RPS6KA4: variants seen among roughly 807,000 people sequenced by gnomAD.
RPS6KA4 encodes the protein ribosomal protein S6 kinase A4.
A neutral mutation model predicts 89.6 loss-of-function variants in RPS6KA4; 38 were observed. The ratio of observed to expected loss-of-function variants is 0.42; its 90% CI spans 0.33 to 0.56. The LOEUF is 0.56. Ranked by LOEUF, RPS6KA4 falls within the 20% of genes least tolerant of loss-of-function variation. The probability of loss-of-function intolerance (pLI) is 0.07; values close to 1 mark genes in which losing one functional copy is unlikely to be tolerated. For synonymous variants in RPS6KA4, 495 were observed against 492.8 expected (o/e 1.00, Z -0.06); for missense variants, 873 against 1,098.8 (o/e 0.79, Z 2.90).
At chr11:64,367,810 C>A (rs925233481) in intron 9 of RPS6KA4, among the ~76,000 whole-genome samples, 3 of 152,166 alleles carry the variant, frequency 2.0e-5, no homozygotes, top group Non-Finnish European at 2.9e-5. Flanking sequence ...ATAAGCTAAG[C>A]GTGAACTCAG....
At chr11:64,369,413 G>A (rs2036989740) in intron 12 of RPS6KA4, 33 bp from the exon 13 acceptor site, 10 of 1,545,780 alleles carry the variant, frequency 6.5e-6, no homozygotes, top group African/African-American at 1.4e-5. Context: ...GCCGTGGGTG[G>A]GTGTTGACCT....
Position 64,369,634 on chromosome 11 carries a change from TCGG to T in RPS6KA4, c.1602+22_1602+24del, listed in dbSNP as rs761159287. On this transcript the variant is annotated intron_variant, in intron 13 of 16. Transcript: ENST00000334205. ...TCAAGCCGGAGGTGGGCGAGCTGCC[TCGG>T]CGGCGGGGCGGAGCGGTGGCGCCGG... 1 of 1,601,652 alleles carries T rather than the reference TCGG, an allele frequency of 6.2e-7. No homozygotes were observed. Among genetic ancestry groups the T allele is most frequent in the Non-Finnish European group, 8.5e-7 (1 of 1,174,020 alleles).
Position 64,368,532 on chromosome 11 carries a change from T to C in RPS6KA4, c.1265T>C (p.Phe422Ser). Residue 422 changes from phenylalanine (F) to serine (S), a missense_variant, in exon 11 of 17, where the codon TTT (phenylalanine) becomes TCT (serine). Coordinates refer to ENST00000334205, the MANE Select transcript of RPS6KA4 (RefSeq NM_003942.3). The part of the protein sequence containing the change: ...LREPALGQGS[F>S]SVCRRCRQRQ... ...GAGCCTGCGCTGGGCCAGGGCAGCT[T>C]TTCTGTGTGTCGCCGCTGCCGCCAG... The C allele has an allele frequency of 6.3e-7, 1 of 1,582,750 alleles. No individual in the cohort carries two copies. The highest frequency in any genetic ancestry group is 8.6e-7 in the Non-Finnish European group (1 of 1,166,606).
At position 64,369,728 on chromosome 11, in the gene RPS6KA4, G is replaced by C; in HGVS notation, c.1632G>C (p.Gly544=). ...ENILYADDTP[G]APVKIIDFGF... The stretch of plus-strand genomic sequence containing the variant: ...TCCTGTACGCCGACGACACGCCCGG[G>C]GCCCCGGTGAAAATCATCGACTTCG... Residue 544 remains glycine, a synonymous_variant, in exon 14 of 17, where the codon GGG becomes GGC. Transcript: ENST00000334205. 6.2e-7 allele frequency: 1 copy of C among 1,611,020 alleles called. No individual in the cohort carries two copies. The highest frequency in any genetic ancestry group is 8.5e-7 in the Non-Finnish European group (1 of 1,178,864).
intron 2 of RPS6KA4, 88 bp from the exon 3 acceptor site, chr11:64,360,075 C>T (rs554478650): frequency 2.4e-6 from 3 of 1,263,772 alleles, no homozygotes; most frequent in African/African-American, 3.0e-5. Flanking sequence ...ATTTGCACAC[C>T]CTCCTGGGTT....
At chr11:64,368,915 C>T (rs1026400091) in intron 12 of RPS6KA4, 118 bp downstream of exon 12, 50 of 960,458 alleles carry the variant, frequency 5.2e-5, no homozygotes, top group Non-Finnish European at 7.3e-5. Flanking sequence ...ATTCGGGGCC[C>T]AAAGGGACCA....
chr11:64,361,783 G>T lies in RPS6KA4; in HGVS notation c.755+38G>T, dbSNP rs1445081439. 6.3e-7 allele frequency: 1 copy of T among 1,586,950 alleles called. No individual in the cohort carries two copies. The highest frequency in any genetic ancestry group is 8.6e-7 in the Non-Finnish European group (1 of 1,168,980). ...GGACGTGGAGGGCGGCCAGAGGGCT[G>T]CAGGGCCTGCCTGGGCAGGGCTGTG... is the stretch of plus-strand genomic sequence containing the variant. On this transcript the variant is annotated intron_variant, in intron 7 of 16. Coordinates refer to ENST00000334205, the MANE Select transcript of RPS6KA4 (RefSeq NM_003942.3). The surrounding 1 kb of genome is among the most constrained non-coding windows in gnomAD (Gnocchi z 4.7).
Position 64,360,564 on chromosome 11 carries a change from T to C in RPS6KA4, c.434T>C (p.Ile145Thr). The C allele has an allele frequency of 1.2e-6, 2 of 1,611,064 alleles. No homozygotes were observed. The highest frequency in any genetic ancestry group is 1.7e-6 in the Non-Finnish European group (2 of 1,178,756). Residue 145 changes from isoleucine to threonine, a missense_variant, in exon 4 of 17, where the codon ATC becomes ACC. Physicochemically the swap from Ile to Thr is moderately conservative, Grantham distance 89. This residue lies in a region of RPS6KA4 where 542 missense variants were observed against 736.4 expected (regional missense o/e 0.74). Transcript: ENST00000334205. The part of the protein sequence containing the change: ...EAEVRVYGGE[I>T]VLALEHLHKL... ...GAGGTGCGCGTGTATGGGGGTGAGA[T>C]CGTGCTGGCCCTGGAACACCTGCAC...
chr11:64,365,306 C>T lies in RPS6KA4; in HGVS notation c.912C>T (p.Leu304=), dbSNP rs771264406. Residue 304 remains leucine (L), a synonymous_variant, in exon 9 of 17, where the codon CTC becomes CTT. Transcript: ENST00000334205. ...EVRNHPFFQG[L]DWVALAARKI... is the part of the protein sequence containing the mutation. ...CTCTGATTCCCTTCCCTCAGGGCCT[C>T]GATTGGGTGGCTCTGGCTGCCAGGA... 6 of 1,612,780 alleles carry T rather than the reference C, an allele frequency of 3.7e-6. No individual in the cohort carries two copies. The highest frequency in any genetic ancestry group is 3.3e-5 in the South Asian group (3 of 91,000).
intron 9 of RPS6KA4, among the ~76,000 whole-genome samples, chr11:64,367,354 A>T (rs1345421131): frequency 6.6e-6 from 1 of 152,074 alleles, no homozygotes; most frequent in Non-Finnish European, 1.5e-5. Flanking sequence ...CTTGTTGCCC[A>T]GGCTAGAGTG....
rs1222111006 is a variant in RPS6KA4, at chr11:64,361,812, G to A, written c.756-40G>A. On this transcript the variant is annotated intron_variant, in intron 7 of 16. Coordinates refer to ENST00000334205, the MANE Select transcript of RPS6KA4 (RefSeq NM_003942.3). The surrounding 1 kb of genome is among the most constrained non-coding windows in gnomAD (Gnocchi z 4.7). The stretch of plus-strand genomic sequence containing the variant: ...GGCCTGCCTGGGCAGGGCTGTGGGT[G>A]GGGGGCTTGCTGCCCCTGACACCCC... 2 of 1,585,964 alleles carry A rather than the reference G, an allele frequency of 1.3e-6. No individual in the cohort carries two copies. Among genetic ancestry groups the A allele is most frequent in the Non-Finnish European group, 8.6e-7 (1 of 1,169,010 alleles).
Position 64,371,442 on chromosome 11 carries a change from G to A in RPS6KA4, c.2281G>A (p.Ala761Thr). The A allele has an allele frequency of 1.3e-6, 2 of 1,570,748 alleles. No individual in the cohort carries two copies. The highest frequency in any genetic ancestry group is 8.6e-7 in the Non-Finnish European group (1 of 1,157,580). ...CCGAGCCCCCGTCGCCTCCAAAGGG[G>A]CCCCCCGCCGAGCCAACGGCCCCCT... Reference protein sequence around the residue: ...PGRAPVASKGAPRRANGPLPP... With the variant: ...PGRAPVASKGTPRRANGPLPP... Residue 761 changes from alanine to threonine, a missense_variant, in exon 17 of 17, where the codon GCC (alanine) becomes ACC (threonine). Physicochemically the swap from Ala to Thr is moderately conservative, Grantham distance 58. Around this residue, in one of 4 missense-constraint regions of RPS6KA4, gnomAD observed 278 missense variants for 284.8 expected, o/e 0.98. Coordinates refer to ENST00000334205, the MANE Select transcript of RPS6KA4 (RefSeq NM_003942.3).
Position 64,361,255 on chromosome 11 carries a change from A to G in RPS6KA4, c.570+14A>G. 6.2e-7 allele frequency: 1 copy of G among 1,604,234 alleles called. No homozygotes were observed. Among genetic ancestry groups the G allele is most frequent in the Non-Finnish European group, 8.5e-7 (1 of 1,172,430 alleles). On this transcript the variant is annotated intron_variant, in intron 5 of 16. Coordinates refer to ENST00000334205, the MANE Select transcript of RPS6KA4 (RefSeq NM_003942.3). This position sits in a 1 kb window ranked among gnomAD's most constrained non-coding sequence, Gnocchi z 4.7. ...CTGACGGAGGAGGTGAGTGGAGGCC[A>G]CCTCTGCCTGCAGTGCCCCATTCAA...
chr11:64,370,374 G>A lies in RPS6KA4; in HGVS notation c.1947G>A (p.Glu649=). The change falls in exon 15 of 17, where the codon GAG becomes GAA. Residue 649 remains glutamate, a synonymous_variant. Coordinates refer to ENST00000334205, the MANE Select transcript of RPS6KA4 (RefSeq NM_003942.3). The surrounding 1 kb of genome is among the most constrained non-coding windows in gnomAD (Gnocchi z 4.1). ...AWQGVSEEAK[E]LVRGLLTVDP... Reference sequence around the variant, plus strand: ...AGGGTGTATCCGAGGAAGCCAAGGAGCTGGTCCGAGGTGCGGAGCTGGAGG... The same window carrying A: ...AGGGTGTATCCGAGGAAGCCAAGGAACTGGTCCGAGGTGCGGAGCTGGAGG... 1 of 1,610,164 alleles carries A rather than the reference G, an allele frequency of 6.2e-7. No homozygotes were observed.
At chr11:64,368,393 G>A (rs1265120207) in intron 10 of RPS6KA4, 75 bp from the exon 11 acceptor site, 3 of 1,541,176 alleles carry the variant, frequency 1.9e-6, no homozygotes, top group South Asian at 1.2e-5. Flanking sequence ...GACATGGGGC[G>A]TGGCGGGGCC....
Position 64,361,801 on chromosome 11 carries a change from G to C in RPS6KA4, c.756-51G>C. 1 of 1,587,294 alleles carries C rather than the reference G, an allele frequency of 6.3e-7. No individual in the cohort carries two copies. ...GAGGGCTGCAGGGCCTGCCTGGGCA[G>C]GGCTGTGGGTGGGGGGCTTGCTGCC... is the stretch of plus-strand genomic sequence containing the variant. On this transcript the variant is annotated intron_variant, in intron 7 of 16. Coordinates refer to ENST00000334205, the MANE Select transcript of RPS6KA4 (RefSeq NM_003942.3). This position sits in a 1 kb window ranked among gnomAD's most constrained non-coding sequence, Gnocchi z 4.7.
At chr11:64,365,519 G>A (rs2036858539) in intron 9 of RPS6KA4, 54 bp downstream of exon 9, 1 of 1,599,966 alleles carries the variant, frequency 6.3e-7, no homozygotes, top group African/African-American at 1.3e-5. Flanking sequence ...GTTGCTGTCT[G>A]CCTCAGCCCT....
chr11:64,360,679 T>G, intron 4 of RPS6KA4, 87 bp downstream of exon 4: 1 of 1,198,866 alleles, frequency 8.3e-7, no homozygotes, highest in Non-Finnish European at 1.2e-6. Flanking sequence ...GCCTCAGGCT[T>G]CCCCCTGGGC....
Position 64,370,289 on chromosome 11 carries a change from C to A in RPS6KA4, c.1862C>A (p.Ala621Glu). The A allele has an allele frequency of 6.3e-7, 1 of 1,589,696 alleles. No individual in the cohort carries two copies. Among genetic ancestry groups the A allele is most frequent in the Non-Finnish European group, 8.5e-7 (1 of 1,173,340 alleles). ...GASGQGGQSQ[A>E]AEIMCKIREG... is the part of the protein sequence containing the mutation. ...TCTGGCCAGGGCGGGCAGAGCCAGG[C>A]GGCCGAGATCATGTGCAAAATCCGC... The change falls in exon 15 of 17, where the codon GCG becomes GAG. Residue 621 changes from alanine (A) to glutamate (E), a missense_variant. By Grantham distance (107) the Ala-to-Glu change is moderately radical. This residue lies in a region of RPS6KA4 where 278 missense variants were observed against 284.8 expected (regional missense o/e 0.98). Transcript: ENST00000334205. The surrounding 1 kb of genome is among the most constrained non-coding windows in gnomAD (Gnocchi z 4.1).
Sources: allele counts gnomAD v4.1 joint callset (sites outside exome capture counted in the v4.1 genomes callset), GRCh38; gene constraint gnomAD v4.1.1; regional missense constraint gnomAD v4.1.1; non-coding constraint Gnocchi (gnomAD v3.1); transcripts MANE v1.5; gene names NCBI Gene and HGNC (gene_info 2026-07-23, HGNC 2026-07-21).